Variants in PKHD1L1 observed in about 807,000 individuals in gnomAD.
PKHD1L1 encodes fibrocystin-L.
Under a neutral mutation model 462.9 loss-of-function variants are expected in PKHD1L1, and 434 were observed. The observed-to-expected ratio is 0.94, with a 90% CI of 0.87 to 1.02. The LOEUF (loss-of-function observed/expected upper bound fraction) is 1.02, where lower values mean the gene tolerates loss of function less well. PKHD1L1 is among the 50% of genes least tolerant of loss of function. PKHD1L1 has a pLI of 0.00. For missense variants in PKHD1L1, 5,202 were observed against 5,096.1 expected (o/e 1.02, Z -0.63); for synonymous variants, 1,781 against 1,750.0 (o/e 1.02, Z -0.44).
chr8:109,474,990 C>G, intron 50 of PKHD1L1, 128 bp from the exon 51 acceptor site: 2 of 712,290 alleles, frequency 2.8e-6, no homozygotes, highest in South Asian at 4.7e-5. Context: ...ATAGACTAAA[C>G]CAATATTTGC....
At chr8:109,511,296 A>T (rs1367521697) in intron 71 of PKHD1L1, among the ~76,000 whole-genome samples, 2 of 151,210 alleles carry the variant, frequency 1.3e-5, no homozygotes, top group African/African-American at 4.9e-5. Flanking sequence ...TGCACCCATT[A>T]ACCCGTCATT....
At chr8:109,525,179 C>T (rs567910412) in intron 76 of PKHD1L1, among the ~76,000 whole-genome samples, 1 of 152,126 alleles carries the variant, frequency 6.6e-6, no homozygotes, top group South Asian at 2.1e-4. Flanking sequence ...CACAGCACCC[C>T]TCTTCTACAT....
At chr8:109,382,616 T>C (rs771351980) in intron 4 of PKHD1L1, 45 bp downstream of exon 4, 15 of 1,501,572 alleles carry the variant, frequency 1.0e-5, no homozygotes, top group Non-Finnish European at 1.4e-5. Context: ...TTGATCTTGC[T>C]TTCTTTCCTG....
intron 2 of PKHD1L1, among the ~76,000 whole-genome samples, chr8:109,373,678 G>A (rs566206105): frequency 5.3e-5 from 8 of 152,302 alleles, no homozygotes; most frequent in East Asian, 1.9e-4. Context: ...TGCTTTGAAT[G>A]TGTCCCAGAG....
At chr8:109,404,759 G>C in intron 15 of PKHD1L1, 46 bp downstream of exon 15, 1 of 1,502,668 alleles carries the variant, frequency 6.7e-7, no homozygotes, top group Non-Finnish European at 8.9e-7. Context: ...AATGTTCGAA[G>C]GCAGGATCTC....
At chr8:109,468,014 T>C (rs987198283) in intron 50 of PKHD1L1, among the ~76,000 whole-genome samples, 2 of 152,244 alleles carry the variant, frequency 1.3e-5, no homozygotes, top group African/African-American at 4.8e-5. Flanking sequence ...CATGTTACTT[T>C]AAAATGCTAT....
At chr8:109,427,949 G>A (rs1814854528) in intron 25 of PKHD1L1, among the ~76,000 whole-genome samples, 1 of 147,982 alleles carries the variant, frequency 6.8e-6, no homozygotes, top group South Asian at 2.2e-4. Context: ...CCTGGGAGAC[G>A]GAGATTGCAG....
At chr8:109,429,260 A>G (rs1814948009) in intron 25 of PKHD1L1, 80 bp from the exon 26 acceptor site, 2 of 1,204,228 alleles carry the variant, frequency 1.7e-6, no homozygotes, top group Admixed American at 5.7e-5. Flanking sequence ...ACCTTTGCCT[A>G]TGCTGAAATT....
intron 70 of PKHD1L1, among the ~76,000 whole-genome samples, chr8:109,509,293 A>G (rs866155938): frequency 1.3e-5 from 2 of 152,180 alleles, no homozygotes; most frequent in African/African-American, 2.4e-5. Flanking sequence ...AGAACTGTCA[A>G]TGAATAATGG....
chr8:109,384,228 G>A (rs1213124169), intron 5 of PKHD1L1, 101 bp downstream of exon 5: 60 of 967,570 alleles, frequency 6.2e-5, no homozygotes, highest in Admixed American at 1.4e-4. Flanking sequence ...TTTTTAAATA[G>A]CATTTTTTTC....
intron 20 of PKHD1L1, 80 bp from the exon 21 acceptor site, chr8:109,413,341 G>T: frequency 1.0e-6 from 1 of 984,244 alleles, no homozygotes. Flanking sequence ...AATATTTATT[G>T]ACTTTGAATT....
intron 27 of PKHD1L1, among the ~76,000 whole-genome samples, chr8:109,430,242 T>C (rs911646832): frequency 6.6e-6 from 1 of 152,206 alleles, no homozygotes; most frequent in African/African-American, 2.4e-5. Context: ...AAAAAATATT[T>C]CTTTTGAAGC....
chr8:109,427,157 G>C lies in PKHD1L1; in HGVS notation c.3000+1G>C, dbSNP rs369873942. On this transcript the variant is annotated splice_donor_variant, in intron 25 of 77. Transcript: ENST00000378402. LOFTEE classifies it high-confidence loss of function. ...CTGCGGAAAGCAGAATCTTCTACAGGTTCCCTCATTTGGCTTGGCTTCTCT... is the reference window on the plus strand; with the variant it reads ...CTGCGGAAAGCAGAATCTTCTACAGCTTCCCTCATTTGGCTTGGCTTCTCT... 1.3e-5 allele frequency: 21 copies of C among 1,611,866 alleles called. No individual in the cohort carries two copies. The highest frequency in any genetic ancestry group is 1.8e-5 in the Non-Finnish European group (21 of 1,178,374).
chr8:109,394,413 A>G lies in PKHD1L1; in HGVS notation c.741-2A>G. 4.7e-6 allele frequency: 7 copies of G among 1,475,654 alleles called. No homozygotes were observed. In the South Asian group the frequency reaches 8.2e-5, roughly 17 times the overall value. The allele number at this position is 1,475,654 out of a possible 1,614,324, so 91.4% of individuals were successfully genotyped here. A position where few individuals can be genotyped will look rare whatever the true frequency, so the allele number is the denominator to read the frequency against. On this transcript the variant is annotated splice_acceptor_variant, in intron 9 of 77. Transcript: ENST00000378402. LOFTEE classifies it high-confidence loss of function. ...GCAGAAAATTTAATCTTTTTTTAAC[A>G]GGAGTTTTCCACAGAAAATGGCATA...
rs555729188 is a variant in PKHD1L1, at chr8:109,387,867, A to G, written c.570-630A>G. ...TTATTCTGGTGTTGTAAAGAATCTA[A>G]CACCAATCAGTCACCTGCCAGCCTC... is the stretch of plus-strand genomic sequence containing the variant. On this transcript the variant is annotated intron_variant, in intron 6 of 77. Transcript: ENST00000378402. 8.5e-5 allele frequency among the ~76,000 whole-genome samples: 13 copies of G among 152,320 alleles called. No homozygotes were observed. The South Asian group carries it at 2.7e-3, about 32-fold the overall frequency.
chr8:109,379,005 C>A (rs925496714), intron 2 of PKHD1L1, among the ~76,000 whole-genome samples: 7 of 152,156 alleles, frequency 4.6e-5, no homozygotes, highest in Non-Finnish European at 5.9e-5. Flanking sequence ...GTGGCCACCG[C>A]AGTGCTAGCG....
chr8:109,413,580 AC>A, intron 21 of PKHD1L1, 35 bp downstream of exon 21: 1 of 1,441,980 alleles, frequency 6.9e-7, no homozygotes, highest in Non-Finnish European at 9.2e-7. Flanking sequence ...ATTACATTAT[AC>A]CATGGTATAT....
At position 109,498,455 on chromosome 8, in the gene PKHD1L1, CA is replaced by C. The variant is rs1430429140; in HGVS notation, c.10600-4del. The C allele has an allele frequency of 6.3e-7, 1 of 1,590,106 alleles. No homozygotes were observed. The highest frequency in any genetic ancestry group is 8.6e-7 in the Non-Finnish European group (1 of 1,158,920). ...AATGCTATATTGTTTGGCTTATTTC[CA>C]AACAGAGCTCATTAATTGTTGGAAG... On this transcript the variant is annotated splice_polypyrimidine_tract_variant and splice_region_variant and intron_variant, in intron 65 of 77. Coordinates refer to ENST00000378402, the MANE Select transcript of PKHD1L1 (RefSeq NM_177531.6).
rs373283996 is a variant in PKHD1L1 at position 109,475,288 on chromosome 8, T to C, written c.8757+19T>C. The C allele has an allele frequency of 2.4e-5, 38 of 1,552,972 alleles. No homozygotes were observed. In the African/African-American group the frequency reaches 3.5e-4, roughly 14 times the overall value. On this transcript the variant is annotated intron_variant, in intron 51 of 77. Transcript: ENST00000378402. ...ATTCAAGGTAAAAATATTTATCTTC[T>C]AATGATTATAATTGTGTATTACCCA...
Sources: gnomAD v4.1 joint callset for allele counts (sites outside exome capture counted in the v4.1 genomes callset) on GRCh38, gnomAD v4.1.1 for gene constraint, MANE v1.5 for transcripts, NCBI Gene and HGNC (gene_info 2026-07-23, HGNC 2026-07-21) for gene names.